The following FLRT2 variants were observed in gnomAD, a reference collection of about 807,000 sequenced individuals.
FLRT2 encodes leucine-rich repeat transmembrane protein FLRT2.
Under a neutral mutation model 40.0 loss-of-function variants are expected in FLRT2, and 15 were observed. The observed-to-expected ratio is 0.38, with a 90% CI of 0.25 to 0.58. The LOEUF is 0.58. Ranked by LOEUF, FLRT2 falls within the 20% of genes least tolerant of loss-of-function variation. FLRT2 has a pLI of 0.71. For synonymous variants in FLRT2, 380 were observed against 336.8 expected (o/e 1.13, Z -1.41); for missense variants, 726 against 840.0 (o/e 0.86, Z 1.68).
rs1301771354 is a variant in FLRT2 at position 85,622,206 on chromosome 14, A to G, written c.692A>G (p.Lys231Arg). Residue 231 changes from lysine (K) to arginine (R), a missense_variant, in exon 2 of 2, where the codon AAG becomes AGG. Physicochemically the swap from Lys to Arg is conservative, Grantham distance 26. Transcript: ENST00000330753. ...IAEGTFSHLT[K>R]LKEFSIVRNS... Reference sequence around the variant, plus strand: ...GAGGGCACCTTCAGCCATCTCACCAAGCTCAAGGAATTTTCAATTGTACGT... The same window carrying G: ...GAGGGCACCTTCAGCCATCTCACCAGGCTCAAGGAATTTTCAATTGTACGT... 1.2e-6 allele frequency: 2 copies of G among 1,613,984 alleles called. No homozygotes were observed. The highest frequency in any genetic ancestry group is 8.5e-7 in the Non-Finnish European group (1 of 1,180,024).
At position 85,645,330 on chromosome 14, in the gene FLRT2, G is replaced by A. The variant is rs189046290; in HGVS notation, c.*21833G>A. ...TATATATACACATATAAATGTGTGC[G>A]TGTATATATATATGATTGGCTGAGT... On this transcript the variant is annotated 3_prime_UTR_variant, in exon 2 of 2. Transcript: ENST00000330753. 19 of 151,524 alleles carry A rather than the reference G, an allele frequency of 1.3e-4. No individual in the cohort carries two copies. Among genetic ancestry groups the A allele is most frequent in the African/African-American group, 3.2e-4 (13 of 41,118 alleles). The allele number at this position is 151,524 out of a possible 1,614,324, so 9.4% of individuals were successfully genotyped here.
At chr14:85,567,634 CAT>C (rs386382029) in intron 1 of FLRT2, among the ~76,000 whole-genome samples, 24,160 of 124,608 alleles carry the variant, frequency 0.19, 2,352 homozygotes, top group South Asian at 0.26. Flanking sequence ...AAGTGACTTA[CAT>C]TTTTTTTTTT....
chr14:85,533,774 C>T (rs1303961283), intron 1 of FLRT2, among the ~76,000 whole-genome samples: 1 of 151,600 alleles, frequency 6.6e-6, no homozygotes, highest in African/African-American at 2.4e-5. Flanking sequence ...CTGGGCGCCC[C>T]GGCCCCGGCC....
At chr14:85,557,500 G>T (rs958561488) in intron 1 of FLRT2, among the ~76,000 whole-genome samples, 2 of 152,088 alleles carry the variant, frequency 1.3e-5, no homozygotes, top group Admixed American at 1.3e-4. Context: ...TCTCCACTAG[G>T]CCCAGATAGA....
chr14:85,600,746 G>A (rs886944542), intron 1 of FLRT2, among the ~76,000 whole-genome samples: 4 of 152,092 alleles, frequency 2.6e-5, no homozygotes, highest in African/African-American at 9.7e-5. Flanking sequence ...TAATTTACAT[G>A]GAAGCAAAAA....
At chr14:85,598,611 G>C (rs1196205795) in intron 1 of FLRT2, among the ~76,000 whole-genome samples, 1 of 152,188 alleles carries the variant, frequency 6.6e-6, no homozygotes, top group Admixed American at 6.5e-5. Context: ...TTAGAAGTTT[G>C]TGTGATCACA....
rs775955563 is a variant in FLRT2 at position 85,633,899 on chromosome 14, G to A, written c.*10402G>A. On this transcript the variant is annotated 3_prime_UTR_variant, in exon 2 of 2. Coordinates refer to ENST00000330753, the MANE Select transcript of FLRT2 (RefSeq NM_013231.6). ...TTGATGCTAGTACACCACCAATTACGGCATTTAAATCCACACTGGGTTTGC... is the reference window on the plus strand; with the variant it reads ...TTGATGCTAGTACACCACCAATTACAGCATTTAAATCCACACTGGGTTTGC... The A allele has an allele frequency of 6.6e-6, 1 of 152,064 alleles. No individual in the cohort carries two copies. The highest frequency in any genetic ancestry group is 1.5e-5 in the Non-Finnish European group (1 of 68,018). The allele number at this position is 152,064 out of a possible 1,614,324, so 9.4% of individuals were successfully genotyped here.
intron 1 of FLRT2, among the ~76,000 whole-genome samples, chr14:85,549,655 A>G (rs1595003967): frequency 6.6e-6 from 1 of 152,186 alleles, no homozygotes; most frequent in Non-Finnish European, 1.5e-5. Flanking sequence ...TCAATTTTTC[A>G]GTAGAGAAAA....
intron 1 of FLRT2, among the ~76,000 whole-genome samples, chr14:85,614,026 A>G (rs563694178): frequency 2.0e-5 from 3 of 152,360 alleles, no homozygotes; most frequent in Non-Finnish European, 4.4e-5. Flanking sequence ...AGCTAATCTT[A>G]GGAATGACCA....
At chr14:85,609,739 G>A (rs1026170932) in intron 1 of FLRT2, among the ~76,000 whole-genome samples, 3 of 152,170 alleles carry the variant, frequency 2.0e-5, no homozygotes, top group Admixed American at 1.3e-4. Context: ...GAGCAGCCCC[G>A]CACCTCTATT....
chr14:85,650,369 A>G lies in FLRT2; in HGVS notation c.*26872A>G, dbSNP rs1309357380. On this transcript the variant is annotated 3_prime_UTR_variant, in exon 2 of 2. Transcript: ENST00000330753. The stretch of plus-strand genomic sequence containing the variant: ...AGGTATTTTAATTTTACTGTATTAT[A>G]TTGTTGAACATTTCCACTGTTTTAC... 6.6e-5 allele frequency: 10 copies of G among 151,906 alleles called. No individual in the cohort carries two copies. Among genetic ancestry groups the G allele is most frequent in the Non-Finnish European group, 1.2e-4 (8 of 67,942 alleles). 9.4% of individuals were successfully genotyped at this position (151,906 alleles called of 1,614,324 possible). A position where few individuals can be genotyped will look rare whatever the true frequency, so the allele number is the denominator to read the frequency against.
At chr14:85,588,484 T>C (rs1192152094) in intron 1 of FLRT2, among the ~76,000 whole-genome samples, 1 of 152,046 alleles carries the variant, frequency 6.6e-6, no homozygotes, top group Non-Finnish European at 1.5e-5. Context: ...ATTTTTACTT[T>C]TTTTGGGTAC....
intron 1 of FLRT2, chr14:85,561,041 T>G (rs1240253334): frequency 6.6e-6 from 1 of 152,208 alleles, no homozygotes; most frequent in East Asian, 1.9e-4. Context: ...CGGCTCACTG[T>G]CAGTATGTAG....
chr14:85,557,836 T>A lies in FLRT2; in HGVS notation c.-377+27302T>A, dbSNP rs138780021. 4.1e-3 allele frequency among the ~76,000 whole-genome samples: 624 copies of A among 151,980 alleles called. 2 individuals are homozygous for A. Among genetic ancestry groups the A allele is most frequent in the African/African-American group, 5.6e-3 (232 of 41,466 alleles). On this transcript the variant is annotated intron_variant, in intron 1 of 1. Transcript: ENST00000330753. ...CATTTCAATAAATAAATAAATTAATTAATTAATTAATTAACAAAAGCAAAC... is the reference window on the plus strand; with the variant it reads ...CATTTCAATAAATAAATAAATTAATAAATTAATTAATTAACAAAAGCAAAC...
chr14:85,595,824 T>G (rs1401801425), intron 1 of FLRT2, among the ~76,000 whole-genome samples: 1 of 152,190 alleles, frequency 6.6e-6, no homozygotes, highest in Non-Finnish European at 1.5e-5. Flanking sequence ...GTGGGAAAAC[T>G]AGGCCATTTC....
chr14:85,562,068 A>G (rs1240159759), intron 1 of FLRT2, among the ~76,000 whole-genome samples: 1 of 152,202 alleles, frequency 6.6e-6, no homozygotes, highest in Admixed American at 6.5e-5. Context: ...TTCCCGCTAC[A>G]GGGAATATGA....
chr14:85,616,611 G>T (rs775077428), intron 1 of FLRT2, among the ~76,000 whole-genome samples: 23 of 152,110 alleles, frequency 1.5e-4, no homozygotes, highest in Non-Finnish European at 3.1e-4. Context: ...TTCTTCCCTG[G>T]CTTGGGCCTC....
intron 1 of FLRT2, among the ~76,000 whole-genome samples, chr14:85,540,589 G>A (rs1391641582): frequency 6.6e-6 from 1 of 152,054 alleles, no homozygotes; most frequent in African/African-American, 2.4e-5. Context: ...TATAAAATAC[G>A]TGGTTGGATC....
chr14:85,585,383 A>T (rs2139881923), intron 1 of FLRT2, among the ~76,000 whole-genome samples: 1 of 152,294 alleles, frequency 6.6e-6, no homozygotes, highest in East Asian at 1.9e-4. Context: ...CACTGCGTTC[A>T]GGCTGCCTTC....
Sources: allele counts gnomAD v4.1 joint callset (sites outside exome capture counted in the v4.1 genomes callset), GRCh38; gene constraint gnomAD v4.1.1; transcripts MANE v1.5; gene names NCBI Gene and HGNC (gene_info 2026-07-23, HGNC 2026-07-21).